Variants in TPCN1 observed in about 807,000 individuals in gnomAD.
The protein encoded by TPCN1 is two pore segment channel 1.
In TPCN1, 52 loss-of-function variants were observed where a neutral mutation model predicts 108.8. The ratio of observed to expected loss-of-function variants is 0.48; its 90% CI spans 0.38 to 0.60. The LOEUF is 0.60. TPCN1 is among the 20% of genes least tolerant of loss of function. The pLI, the probability that TPCN1 is intolerant of heterozygous loss-of-function variation, is 0.00. For synonymous variants in TPCN1, 446 were observed against 433.7 expected, an observed-to-expected ratio of 1.03 and a Z score of -0.35; for missense variants, 806 against 1,072.8, an observed-to-expected ratio of 0.75 and a Z score of 3.47.
intron 1 of TPCN1, among the ~76,000 whole-genome samples, chr12:113,224,357 G>A (rs1017865356): frequency 2.0e-5 from 3 of 152,078 alleles, no homozygotes; most frequent in African/African-American, 7.2e-5. Context: ...GTGCTAGTAG[G>A]GTCCCTCATA....
chr12:113,264,247 G>C (rs903232653), intron 3 of TPCN1, among the ~76,000 whole-genome samples: 5 of 152,140 alleles, frequency 3.3e-5, no homozygotes, highest in African/African-American at 4.8e-5. Context: ...TGACATGCCT[G>C]CCCCTGCCGG....
At position 113,269,661 on chromosome 12, in the gene TPCN1, CGAGTCA is replaced by C. The variant is rs1955415188; in HGVS notation, c.660-93_660-88del. 4.8e-6 allele frequency: 5 copies of C among 1,048,698 alleles called. No homozygotes were observed. The highest frequency in any genetic ancestry group is 7.1e-6 in the Non-Finnish European group (5 of 699,406). The allele number at this position is 1,048,698 out of a possible 1,614,324, so 65.0% of individuals were successfully genotyped here. A position where few individuals can be genotyped will look rare whatever the true frequency, so the allele number is the denominator to read the frequency against. On this transcript the variant is annotated intron_variant, in intron 6 of 27. Transcript: ENST00000335509. The surrounding 1 kb of genome is among the most constrained non-coding windows in gnomAD (Gnocchi z 5.0). ...CAGAGTGCGTCAGGGTTTAGTATTTCGAGTCAGAAGCACTAGGCCTCCATCTCAACA... is the reference window on the plus strand; with the variant it reads ...CAGAGTGCGTCAGGGTTTAGTATTTCGAAGCACTAGGCCTCCATCTCAACA...
rs555740165 is a variant in TPCN1, at chr12:113,293,046, G to C, written c.2226G>C (p.Glu742Asp). ...CCTCGGATGTCACCAGGCTGCTGGA[G>C]ACCCTCTCCCAGATGGAGAGATACC... ...GASSDVTRLL[E>D]TLSQMERYQQ... The change falls in exon 26 of 28, where the codon GAG becomes GAC. Residue 742 changes from glutamate (E) to aspartate (D), a missense_variant. Glu to Asp is a conservative substitution (Grantham distance 45). Coordinates refer to ENST00000335509, the MANE Select transcript of TPCN1 (RefSeq NM_017901.6). The C allele has an allele frequency of 6.2e-7, 1 of 1,612,944 alleles. No homozygotes were observed. Among genetic ancestry groups the C allele is most frequent in the Admixed American group, 1.7e-5 (1 of 59,952 alleles).
intron 15 of TPCN1, among the ~76,000 whole-genome samples, chr12:113,283,645 AG>A (rs1955968023): frequency 1.3e-5 from 2 of 151,788 alleles, no homozygotes; most frequent in African/African-American, 4.8e-5. Flanking sequence ...AAAAAAAAAA[AG>A]TAATATGTAG....
Position 113,240,699 on chromosome 12 carries a change from G to T in TPCN1, c.112+13735G>T, listed in dbSNP as rs74502484. On this transcript the variant is annotated intron_variant, in intron 2 of 27. Coordinates refer to ENST00000335509, the MANE Select transcript of TPCN1 (RefSeq NM_017901.6). The stretch of plus-strand genomic sequence containing the variant: ...AACTTCCTTGACTACCATTCCTGTT[G>T]TGTTGCAGGGAGAATTAAAAATCAA... Among the ~76,000 whole-genome samples, 278 of 151,348 alleles carry T rather than the reference G, an allele frequency of 1.8e-3. 1 individual carries two copies. The highest frequency in any genetic ancestry group is 8.7e-3 in the East Asian group (45 of 5,162).
chr12:113,245,323 C>T (rs1400719134), intron 2 of TPCN1, among the ~76,000 whole-genome samples: 2 of 148,972 alleles, frequency 1.3e-5, no homozygotes, highest in East Asian at 2.1e-4. Flanking sequence ...GGGGGCTGGG[C>T]GCGGTGGCTC....
chr12:113,228,098 T>C (rs1953540277), intron 2 of TPCN1, among the ~76,000 whole-genome samples: 1 of 152,220 alleles, frequency 6.6e-6, no homozygotes, highest in Admixed American at 6.5e-5. Flanking sequence ...TGAAATCCCT[T>C]TGCAAGGCTA....
chr12:113,256,494 A>T (rs1175760164), intron 2 of TPCN1, among the ~76,000 whole-genome samples: 1 of 152,210 alleles, frequency 6.6e-6, no homozygotes, highest in Non-Finnish European at 1.5e-5. Context: ...ACACTGCCTG[A>T]TTTTAAGACT....
chr12:113,252,776 A>G (rs1275380653), intron 2 of TPCN1, among the ~76,000 whole-genome samples: 1 of 152,196 alleles, frequency 6.6e-6, no homozygotes, highest in Non-Finnish European at 1.5e-5. Flanking sequence ...TCCCTGATCC[A>G]CATGAGCAGA....
At chr12:113,248,250 G>A (rs972359897) in intron 2 of TPCN1, among the ~76,000 whole-genome samples, 2 of 152,256 alleles carry the variant, frequency 1.3e-5, no homozygotes, top group African/African-American at 4.8e-5. Flanking sequence ...CCACGGGGGT[G>A]TGTGGAATCT....
In TPCN1 at chr12:113,293,291, G is replaced by T; in HGVS notation, c.2276G>T (p.Gly759Val). 3 of 1,614,092 alleles carry T rather than the reference G, an allele frequency of 1.9e-6. No homozygotes were observed. Among genetic ancestry groups the T allele is most frequent in the Non-Finnish European group, 2.5e-6 (3 of 1,180,044 alleles). The change falls in exon 27 of 28, where the codon GGA (glycine) becomes GTA (valine). Residue 759 changes from glycine (G) to valine (V), a missense_variant. Gly to Val is a moderately radical substitution (Grantham distance 109). Transcript: ENST00000335509. ...RYQQHSMVFLGRRSRTKSDLS... is the reference protein window; with the variant it reads ...RYQQHSMVFLVRRSRTKSDLS... Reference sequence around the variant, plus strand: ...TAGCAACATTCCATGGTGTTTCTGGGACGGCGATCAAGGACCAAGAGCGAC... The same window carrying T: ...TAGCAACATTCCATGGTGTTTCTGGTACGGCGATCAAGGACCAAGAGCGAC...
At position 113,284,449 on chromosome 12, in the gene TPCN1, G is replaced by T; in HGVS notation, c.1343-132G>T. The T allele has an allele frequency of 1.1e-6, 1 of 924,276 alleles. No homozygotes were observed. The allele number at this position is 924,276 out of a possible 1,614,324, so 57.3% of individuals were successfully genotyped here. A position where few individuals can be genotyped will look rare whatever the true frequency, so the allele number is the denominator to read the frequency against. On this transcript the variant is annotated intron_variant, in intron 15 of 27. Coordinates refer to ENST00000335509, the MANE Select transcript of TPCN1 (RefSeq NM_017901.6). This position sits in a 1 kb window ranked among gnomAD's most constrained non-coding sequence, Gnocchi z 4.1. ...AGCAGAAAGAAGTTCCCTATCAAAT[G>T]GGTGTGTGGAGCAGCCCTGTTCTCC...
intron 2 of TPCN1, among the ~76,000 whole-genome samples, chr12:113,238,121 T>C (rs565906611): frequency 6.6e-6 from 1 of 152,338 alleles, no homozygotes; most frequent in Admixed American, 6.5e-5. Flanking sequence ...AAAGCCCTGA[T>C]GTTCTGCCTT....
intron 2 of TPCN1, among the ~76,000 whole-genome samples, chr12:113,228,925 A>C (rs1280886797): frequency 6.6e-6 from 1 of 152,220 alleles, no homozygotes; most frequent in Non-Finnish European, 1.5e-5. Context: ...AGCCAGGCTT[A>C]AGATTCTAAA....
intron 2 of TPCN1, 126 bp from the exon 3 acceptor site, chr12:113,260,242 G>A (rs2136574378): frequency 9.3e-7 from 1 of 1,080,156 alleles, no homozygotes; most frequent in Non-Finnish European, 1.3e-6. Flanking sequence ...CATGGAGGTT[G>A]ATTTGAAGAT....
intron 27 of TPCN1, chr12:113,294,169 C>T (rs933029800): frequency 1.3e-5 from 2 of 152,264 alleles, no homozygotes; most frequent in Non-Finnish European, 2.9e-5. Context: ...ACTGTAGCCT[C>T]CAACCCCTGG....
rs1593210339 is a variant in TPCN1 at position 113,289,966 on chromosome 12, G to T, written c.1797-162G>T. 3 of 569,786 alleles carry T rather than the reference G, an allele frequency of 5.3e-6. No homozygotes were observed. In the African/African-American group the frequency reaches 5.7e-5, roughly 11 times the overall value. 35.3% of individuals were successfully genotyped at this position (569,786 alleles called of 1,614,324 possible). On this transcript the variant is annotated intron_variant, in intron 21 of 27. Coordinates refer to ENST00000335509, the MANE Select transcript of TPCN1 (RefSeq NM_017901.6). This position sits in a 1 kb window ranked among gnomAD's most constrained non-coding sequence, Gnocchi z 4.1. ...AATAGCCAAGGGCATTCCTTCAGCAGGGACCCAGGCATGAGGTGGAGAGGG... is the reference window on the plus strand; with the variant it reads ...AATAGCCAAGGGCATTCCTTCAGCATGGACCCAGGCATGAGGTGGAGAGGG...
chr12:113,261,475 T>C (rs373799751), intron 3 of TPCN1, among the ~76,000 whole-genome samples: 36 of 141,532 alleles, frequency 2.5e-4, no homozygotes, highest in African/African-American at 9.5e-4. Flanking sequence ...CAGGCTGGAG[T>C]TGAATTGCAG....
chr12:113,265,415 C>T (rs769926779), intron 3 of TPCN1, among the ~76,000 whole-genome samples: 3 of 152,142 alleles, frequency 2.0e-5, no homozygotes, highest in Admixed American at 6.5e-5. Flanking sequence ...GGGTTCAGCA[C>T]GTGTGGTTCC....
Sources: gnomAD v4.1 joint callset for allele counts (sites outside exome capture counted in the v4.1 genomes callset) on GRCh38, gnomAD v4.1.1 for gene constraint, Gnocchi (gnomAD v3.1) non-coding constraint, MANE v1.5 for transcripts, NCBI Gene and HGNC (gene_info 2026-07-23, HGNC 2026-07-21) for gene names.